Variants in STK32B observed in about 807,000 individuals in gnomAD.
STK32B encodes the protein serine/threonine-protein kinase 32B.
Under a neutral mutation model 52.6 loss-of-function variants are expected in STK32B, and 43 were observed. That is an observed-to-expected ratio of 0.82 (90% CI 0.64 to 1.05). The LOEUF (loss-of-function observed/expected upper bound fraction) is 1.05, where lower values mean the gene tolerates loss of function less well. STK32B is among the 50% of genes least tolerant of loss of function. The pLI, the probability that STK32B is intolerant of heterozygous loss-of-function variation, is 0.00. For synonymous variants in STK32B, 238 were observed against 204.3 expected (o/e 1.17, Z -1.41); for missense variants, 621 against 534.6 (o/e 1.16, Z -1.59).
rs372192776 is a variant in STK32B at position 5,469,006 on chromosome 4, C to T, written c.1106+936C>T. 2.6e-4 allele frequency among the ~76,000 whole-genome samples: 39 copies of T among 150,628 alleles called. No homozygotes were observed. The highest frequency in any genetic ancestry group is 2.5e-5 in the African/African-American group (1 of 40,798). On this transcript the variant is annotated intron_variant, in intron 11 of 11. Coordinates refer to ENST00000282908, the MANE Select transcript of STK32B (RefSeq NM_018401.3). The surrounding 1 kb of genome is among the most constrained non-coding windows in gnomAD (Gnocchi z 4.7). ...CAGAGCTTGCAGTGAGCCGAGATCG[C>T]GCACACTGCACTCCAGCCTGGGCGA...
chr4:5,426,694 A>AAAAAAAAAAAAAAAAAAAAAAAAAAAAAT, intron 6 of STK32B, among the ~76,000 whole-genome samples: 1 of 139,644 alleles, frequency 7.2e-6, no homozygotes, highest in Non-Finnish European at 1.5e-5. Context: ...CATCTAAACA[A>AAAAAAAAAAAAAAAAAAAAAAAAAAAAAT]AAAAAAAAAA....
intron 3 of STK32B, among the ~76,000 whole-genome samples, chr4:5,308,614 T>C (rs898924133): frequency 2.0e-5 from 3 of 152,202 alleles, no homozygotes; most frequent in Non-Finnish European, 2.9e-5. Flanking sequence ...AGGTGCCTTC[T>C]TCTAATTAGG....
intron 1 of STK32B, among the ~76,000 whole-genome samples, chr4:5,103,170 G>T (rs1713918472): frequency 6.6e-6 from 1 of 151,560 alleles, no homozygotes; most frequent in Non-Finnish European, 1.5e-5. Context: ...TTTTGTAAAA[G>T]ATTTTAAAGA....
chr4:5,255,342 A>G (rs949879318), intron 3 of STK32B, among the ~76,000 whole-genome samples: 1 of 152,202 alleles, frequency 6.6e-6, no homozygotes, highest in African/African-American at 2.4e-5. Context: ...TGCATCTTGC[A>G]AAGCTCTTGT....
chr4:5,495,680 C>T (rs905465110), intron 11 of STK32B, among the ~76,000 whole-genome samples: 26 of 152,150 alleles, frequency 1.7e-4, no homozygotes, highest in African/African-American at 5.6e-4. Context: ...AGTTTTTCTG[C>T]TCTGTTTTTT....
intron 6 of STK32B, among the ~76,000 whole-genome samples, chr4:5,425,339 T>G (rs1713000942): frequency 6.6e-6 from 1 of 152,172 alleles, no homozygotes. Context: ...TGCTGTGCAC[T>G]CTTTGTAGAT....
chr4:5,121,049 C>T (rs893163563), intron 1 of STK32B, among the ~76,000 whole-genome samples: 4 of 152,102 alleles, frequency 2.6e-5, no homozygotes, highest in Non-Finnish European at 5.9e-5. Context: ...TACATTCAAT[C>T]TAGTCATTTA....
In STK32B at chr4:5,325,246, C is replaced by T. The variant is rs568374715; in HGVS notation, c.261-5974C>T. On this transcript the variant is annotated intron_variant, in intron 3 of 11. Coordinates refer to ENST00000282908, the MANE Select transcript of STK32B (RefSeq NM_018401.3). Reference sequence around the variant, plus strand: ...ACTCATGGTTCACCACATTACAGAACACCATCTTCATAAGAATCCAGTGGA... The same window carrying T: ...ACTCATGGTTCACCACATTACAGAATACCATCTTCATAAGAATCCAGTGGA... Among the ~76,000 whole-genome samples, 2 of 152,258 alleles carry T rather than the reference C, an allele frequency of 1.3e-5. 1 individual carries two copies. Among genetic ancestry groups the T allele is most frequent in the African/African-American group, 4.8e-5 (2 of 41,568 alleles).
rs543918712 is a variant in STK32B, at chr4:5,363,329, CT to C, written c.434+31943del. On this transcript the variant is annotated intron_variant, in intron 4 of 11. Coordinates refer to ENST00000282908, the MANE Select transcript of STK32B (RefSeq NM_018401.3). ...GCTTTGGCTATATTTTATGATTCCA[CT>C]TTTTTTAGAGGTGTAGAAAATAAAG... Among the ~76,000 whole-genome samples the C allele has an allele frequency of 8.7e-4, 133 of 152,244 alleles. 1 individual carries two copies. Among genetic ancestry groups the C allele is most frequent in the African/African-American group, 3.1e-3 (130 of 41,538 alleles).
chr4:5,330,518 G>A (rs1304408648), intron 3 of STK32B, among the ~76,000 whole-genome samples: 3 of 152,244 alleles, frequency 2.0e-5, no homozygotes, highest in Non-Finnish European at 4.4e-5. Context: ...TGGGGTAACT[G>A]GGCTCAGCTG....
intron 3 of STK32B, among the ~76,000 whole-genome samples, chr4:5,230,517 T>C (rs551973338): frequency 6.6e-6 from 1 of 152,232 alleles, no homozygotes; most frequent in South Asian, 2.1e-4. Context: ...GACATTGTCC[T>C]ATGTCATGTG....
At chr4:5,078,733 G>A (rs939512602) in intron 1 of STK32B, among the ~76,000 whole-genome samples, 8 of 152,154 alleles carry the variant, frequency 5.3e-5, no homozygotes, top group African/African-American at 4.8e-5. Context: ...GAGTTTCCCT[G>A]CCTGGCCTTG....
In STK32B at chr4:5,317,369, G is replaced by A. The variant is rs1197262121; in HGVS notation, c.261-13851G>A. On this transcript the variant is annotated intron_variant, in intron 3 of 11. Coordinates refer to ENST00000282908, the MANE Select transcript of STK32B (RefSeq NM_018401.3). Reference sequence around the variant, plus strand: ...TATATATAATATATATAATGTATATGTATTATATATATTACATATATATAA... The same window carrying A: ...TATATATAATATATATAATGTATATATATTATATATATTACATATATATAA... Among the ~76,000 whole-genome samples the A allele has an allele frequency of 3.3e-4, 24 of 71,926 alleles. 2 individuals carry two copies. The highest frequency in any genetic ancestry group is 2.0e-3 in the African/African-American group (20 of 9,854). 47.2% of individuals were successfully genotyped at this position (71,926 alleles called of 152,430 possible). A position where few individuals can be genotyped will look rare whatever the true frequency, so the allele number is the denominator to read the frequency against.
chr4:5,256,155 G>A (rs1025902419), intron 3 of STK32B, among the ~76,000 whole-genome samples: 5 of 151,474 alleles, frequency 3.3e-5, no homozygotes, highest in African/African-American at 1.2e-4. Flanking sequence ...CAGATACTGA[G>A]CCTAGAGAGA....
At chr4:5,155,811 G>A (rs186086169) in intron 2 of STK32B, among the ~76,000 whole-genome samples, 96 of 152,242 alleles carry the variant, frequency 6.3e-4, no homozygotes, top group African/African-American at 2.2e-3. Context: ...ACGGAACTGT[G>A]AGTCAATTAA....
chr4:5,105,515 G>A (rs1382549198), intron 1 of STK32B, among the ~76,000 whole-genome samples: 2 of 151,980 alleles, frequency 1.3e-5, no homozygotes, highest in African/African-American at 4.8e-5. Context: ...CTGGCTCTGT[G>A]ATAGAAATAT....
rs540639015 is a variant in STK32B at position 5,449,131 on chromosome 4, C to G, written c.666+2355C>G. Among the ~76,000 whole-genome samples the G allele has an allele frequency of 4.6e-5, 7 of 152,204 alleles. No homozygotes were observed. In the East Asian group the frequency reaches 1.2e-3, roughly 25 times the overall value. On this transcript the variant is annotated intron_variant, in intron 7 of 11. Coordinates refer to ENST00000282908, the MANE Select transcript of STK32B (RefSeq NM_018401.3). ...CCGAGGAGGGCGGATCACCTGAGGT[C>G]GGAGATCGAAACAAGCCTTGCCAAT...
At chr4:5,403,405 T>G (rs1484982553) in intron 5 of STK32B, among the ~76,000 whole-genome samples, 1 of 152,086 alleles carries the variant, frequency 6.6e-6, no homozygotes, top group Admixed American at 6.5e-5. Flanking sequence ...GAAACCACAA[T>G]AAAGGCTCTG....
rs560412994 is a variant in STK32B at position 5,282,252 on chromosome 4, C to G, written c.261-48968C>G. Among the ~76,000 whole-genome samples the G allele has an allele frequency of 2.0e-5, 3 of 152,194 alleles. No homozygotes were observed. In the South Asian group the frequency reaches 6.2e-4, roughly 32 times the overall value. ...TTTTTACCTATACATGAAACTGGCC[C>G]TCTGCATCTGCAGAGGATTGATTCC... On this transcript the variant is annotated intron_variant, in intron 3 of 11. Transcript: ENST00000282908.
Sources: gnomAD v4.1 joint callset for allele counts (sites outside exome capture counted in the v4.1 genomes callset) on GRCh38, gnomAD v4.1.1 for gene constraint, Gnocchi (gnomAD v3.1) non-coding constraint, MANE v1.5 for transcripts, NCBI Gene and HGNC (gene_info 2026-07-23, HGNC 2026-07-21) for gene names.